Variants in SPMIP4 observed in about 807,000 individuals in gnomAD.
SPMIP4 encodes the protein sperm-associated microtubule inner protein 4.
chr7:25,147,163 G>A, the SPMIP4 span, among the ~76,000 whole-genome samples: 104 of 152,296 alleles, frequency 6.8e-4, no homozygotes, highest in Non-Finnish European at 1.2e-3. Context: ...GCATAGTGGC[G>A]CACATCTGTG....
the SPMIP4 span, among the ~76,000 whole-genome samples, chr7:25,141,000 G>C: frequency 2.6e-5 from 4 of 151,998 alleles, no homozygotes; most frequent in Admixed American, 2.6e-4. Context: ...ATTTGTAGTC[G>C]TCGAGAATAA....
At chr7:25,135,359 T>G in the SPMIP4 span, 7 of 985,526 alleles carry the variant, frequency 7.1e-6, no homozygotes, top group Non-Finnish European at 8.4e-6. Flanking sequence ...AATGTGTACA[T>G]GCAGAGAGTT....
At chr7:25,128,646 A>T in the SPMIP4 span, among the ~76,000 whole-genome samples, 1 of 152,192 alleles carries the variant, frequency 6.6e-6, no homozygotes, top group Non-Finnish European at 1.5e-5. This position sits in a 1 kb window ranked among gnomAD's most constrained non-coding sequence, Gnocchi z 4.5. Context: ...CTAGGAGCCA[A>T]GGCATGGAAT....
At chr7:25,158,461 TGA>T in the SPMIP4 span, 1 of 1,520,636 alleles carries the variant, frequency 6.6e-7, no homozygotes, top group Admixed American at 1.8e-5. Flanking sequence ...TTTTTTTCTT[TGA>T]TTATAACAGA....
the SPMIP4 span, among the ~76,000 whole-genome samples, chr7:25,175,846 T>C: frequency 1.3e-5 from 2 of 152,190 alleles, no homozygotes; most frequent in African/African-American, 4.8e-5. Context: ...TATCCTGTTA[T>C]CACCGTCCAG....
the SPMIP4 span, among the ~76,000 whole-genome samples, chr7:25,139,404 A>T: frequency 4.6e-4 from 69 of 148,498 alleles, no homozygotes; most frequent in African/African-American, 1.6e-3. Context: ...TTAATTATAC[A>T]TTTTTTTTTT....
chr7:25,128,753 C>G, the SPMIP4 span, among the ~76,000 whole-genome samples: 2 of 152,342 alleles, frequency 1.3e-5, no homozygotes, highest in African/African-American at 4.8e-5. This position sits in a 1 kb window ranked among gnomAD's most constrained non-coding sequence, Gnocchi z 4.5. Context: ...CCTCTCCTTT[C>G]CTCAAATAGG....
the SPMIP4 span, among the ~76,000 whole-genome samples, chr7:25,137,315 T>TAA: frequency 1.6e-5 from 2 of 123,466 alleles, no homozygotes; most frequent in Middle Eastern, 4.4e-3. Flanking sequence ...TTTTTTTTTT[T>TAA]TTTTATTTTT....
At chr7:25,177,254 G>T in the SPMIP4 span, among the ~76,000 whole-genome samples, 1 of 152,016 alleles carries the variant, frequency 6.6e-6, no homozygotes, top group Non-Finnish European at 1.5e-5. Context: ...AGGCTGAGGC[G>T]GATGGATCAC....
At chr7:25,155,060 A>G in the SPMIP4 span, 1 of 1,614,072 alleles carries the variant, frequency 6.2e-7, no homozygotes, top group Non-Finnish European at 8.5e-7. Flanking sequence ...GCACCGTGGG[A>G]GGAAAGGGCT....
the SPMIP4 span, among the ~76,000 whole-genome samples, chr7:25,150,835 A>C: frequency 6.6e-6 from 1 of 152,190 alleles, no homozygotes; most frequent in Non-Finnish European, 1.5e-5. Context: ...GAAAGGGTTA[A>C]ATGATGTATT....
chr7:25,147,365 G>A, the SPMIP4 span, among the ~76,000 whole-genome samples: 2 of 152,224 alleles, frequency 1.3e-5, no homozygotes, highest in African/African-American at 4.8e-5. Flanking sequence ...TTTGGTAACA[G>A]ATGGAAACGG....
At chr7:25,172,836 C>G in the SPMIP4 span, among the ~76,000 whole-genome samples, 1 of 152,014 alleles carries the variant, frequency 6.6e-6, no homozygotes, top group African/African-American at 2.4e-5. This position sits in a 1 kb window ranked among gnomAD's most constrained non-coding sequence, Gnocchi z 4.2. Flanking sequence ...AATTCTAGAA[C>G]TTGGGGCATG....
chr7:25,175,633 T>C, the SPMIP4 span, among the ~76,000 whole-genome samples: 2 of 152,160 alleles, frequency 1.3e-5, no homozygotes, highest in African/African-American at 4.8e-5. Context: ...GTTTAGAAAA[T>C]TAAGCTGCTG....
the SPMIP4 span, chr7:25,136,202 T>A: frequency 2.5e-6 from 4 of 1,614,224 alleles, no homozygotes; most frequent in Non-Finnish European, 3.4e-6. The surrounding 1 kb of genome is among the most constrained non-coding windows in gnomAD (Gnocchi z 5.7). Context: ...TTTTCCATAT[T>A]CAAGAACAAC....
the SPMIP4 span, chr7:25,179,085 A>C: frequency 1.5e-6 from 2 of 1,331,730 alleles, no homozygotes; most frequent in Non-Finnish European, 2.0e-6. Context: ...GAAGAGCCCC[A>C]GAACAATAAA....
the SPMIP4 span, among the ~76,000 whole-genome samples, chr7:25,165,996 T>C: frequency 1.3e-5 from 2 of 152,106 alleles, no homozygotes; most frequent in Non-Finnish European, 2.9e-5. Context: ...TCCATATCTA[T>C]ACTAGATTTT....
chr7:25,170,652 T>C, the SPMIP4 span, among the ~76,000 whole-genome samples: 1 of 152,246 alleles, frequency 6.6e-6, no homozygotes, highest in African/African-American at 2.4e-5. Flanking sequence ...TCTAAGTATC[T>C]TACAGTTTAG....
the SPMIP4 span, among the ~76,000 whole-genome samples, chr7:25,140,143 G>C: frequency 6.6e-6 from 1 of 152,086 alleles, no homozygotes; most frequent in East Asian, 1.9e-4. Flanking sequence ...TCTATACTTA[G>C]AGAATGCTCA....
Sources: allele counts gnomAD v4.1 joint callset (sites outside exome capture counted in the v4.1 genomes callset), GRCh38; gene constraint gnomAD v4.1.1; non-coding constraint Gnocchi (gnomAD v3.1); transcripts MANE v1.5; gene names NCBI Gene and HGNC (gene_info 2026-07-23, HGNC 2026-07-21).